ITPKB: variants seen among roughly 807,000 people sequenced by gnomAD.
ITPKB encodes the protein inositol-trisphosphate 3-kinase B.
In ITPKB, 13 loss-of-function variants were observed where a neutral mutation model predicts 69.4. The ratio of observed to expected loss-of-function variants is 0.19; its 90% CI spans 0.12 to 0.30. The LOEUF is 0.30. Among genes scored for constraint, ITPKB ranks in the 10% least tolerant of loss-of-function variants. The probability of loss-of-function intolerance (pLI) is 1.00; values close to 1 mark genes in which losing one functional copy is unlikely to be tolerated. For synonymous variants in ITPKB, 584 were observed against 513.7 expected, an observed-to-expected ratio of 1.14 and a Z score of -1.85; for missense variants, 1,240 against 1,250.5, an observed-to-expected ratio of 0.99 and a Z score of 0.13.
At chr1:226,711,438 AGAGAGTGTGTGT>A (rs1275374746) in intron 2 of ITPKB, among the ~76,000 whole-genome samples, 1 of 116,040 alleles carries the variant, frequency 8.6e-6, no homozygotes. Flanking sequence ...AGAGAGAGAG[AGAGAGTGTGTGT>A]GTGTGTGTGT....
intron 2 of ITPKB, among the ~76,000 whole-genome samples, chr1:226,735,068 T>G (rs1402997777): frequency 1.3e-5 from 2 of 152,236 alleles, no homozygotes; most frequent in Non-Finnish European, 2.9e-5. Flanking sequence ...CCTGGCTTAT[T>G]AGTAGAGGCT....
At position 226,717,564 on chromosome 1, in the gene ITPKB, A is replaced by G. The variant is rs187577360; in HGVS notation, c.1932+17963T>C. ...GCCCAGAGGGAGGTGGCAAGGAGAC[A>G]CTCTGCATCTGCTTCTTTGTTTTTC... is the stretch of plus-strand genomic sequence containing the variant. On this transcript the variant is annotated intron_variant, in intron 2 of 7. Transcript: ENST00000429204. Among the ~76,000 whole-genome samples the G allele has an allele frequency of 5.9e-4, 90 of 152,268 alleles. 1 individual carries two copies. The East Asian group carries it at 0.015, about 25-fold the overall frequency.
intron 2 of ITPKB, among the ~76,000 whole-genome samples, chr1:226,711,167 C>A (rs562739198): frequency 6.9e-6 from 1 of 144,016 alleles, no homozygotes; most frequent in South Asian, 2.1e-4. Flanking sequence ...CAATTGGGTG[C>A]TCATAAATAG....
At chr1:226,663,983 A>G (rs1471533054) in intron 2 of ITPKB, among the ~76,000 whole-genome samples, 1 of 152,216 alleles carries the variant, frequency 6.6e-6, no homozygotes, top group Non-Finnish European at 1.5e-5. Flanking sequence ...CCTCAGATTT[A>G]CAGAGAAGCA....
chr1:226,725,447 A>G (rs1310828245), intron 2 of ITPKB, among the ~76,000 whole-genome samples: 1 of 152,216 alleles, frequency 6.6e-6, no homozygotes, highest in Non-Finnish European at 1.5e-5. Context: ...GTATATATCT[A>G]CTGAATGTAA....
At chr1:226,710,938 G>T (rs1416432619) in intron 2 of ITPKB, among the ~76,000 whole-genome samples, 3 of 152,168 alleles carry the variant, frequency 2.0e-5, no homozygotes, top group Admixed American at 2.0e-4. Context: ...CCAACTCAAA[G>T]AATTATTAAG....
In ITPKB at chr1:226,632,547, G is replaced by A. The variant is rs1558297032; in HGVS notation, c.*2124C>T. On this transcript the variant is annotated 3_prime_UTR_variant, in exon 8 of 8. Coordinates refer to ENST00000429204, the MANE Select transcript of ITPKB (RefSeq NM_002221.4). The stretch of plus-strand genomic sequence containing the variant: ...AAAAAACAGAAAACAAAAACCCTAA[G>A]TAACAGAATAACCCTAAAATGATGC... The A allele has an allele frequency of 6.6e-6, 1 of 152,096 alleles. No homozygotes were observed. The allele number at this position is 152,096 out of a possible 1,614,324, so 9.4% of individuals were successfully genotyped here. A position where few individuals can be genotyped will look rare whatever the true frequency, so the allele number is the denominator to read the frequency against.
chr1:226,644,307 A>C (rs1364148623), intron 4 of ITPKB, among the ~76,000 whole-genome samples: 2 of 152,168 alleles, frequency 1.3e-5, no homozygotes, highest in Non-Finnish European at 2.9e-5. Flanking sequence ...CCCGAGACAA[A>C]GTCGAAGCTC....
At chr1:226,707,607 C>T (rs1358712755) in intron 2 of ITPKB, 19 of 987,802 alleles carry the variant, frequency 1.9e-5, no homozygotes, top group Non-Finnish European at 2.0e-5. Flanking sequence ...AGTGGGGGCT[C>T]AATGGGGATA....
chr1:226,718,101 C>T (rs2102641603), intron 2 of ITPKB, among the ~76,000 whole-genome samples: 1 of 151,906 alleles, frequency 6.6e-6, no homozygotes, highest in South Asian at 2.1e-4. Flanking sequence ...CAAGACCAGC[C>T]TGGCCAACAT....
At chr1:226,732,170 G>A (rs1353628590) in intron 2 of ITPKB, among the ~76,000 whole-genome samples, 2 of 149,196 alleles carry the variant, frequency 1.3e-5, no homozygotes, top group East Asian at 3.9e-4. Context: ...TAAGCACCAT[G>A]AAGCCAAGGG....
At chr1:226,667,826 A>ATTG (rs1553254182) in intron 2 of ITPKB, among the ~76,000 whole-genome samples, 1 of 148,386 alleles carries the variant, frequency 6.7e-6, no homozygotes, top group Non-Finnish European at 1.5e-5. Context: ...GATGAGGAAA[A>ATTG]TGTGTGTGTG....
rs1330542610 is a variant in ITPKB, at chr1:226,735,531, C to T, written c.1928G>A (p.Arg643Lys). ...FLHTLDQQKP[R>K]VSKSWRKIKN... ...AAATCTCAGAGCAAGACTTACCACTCTAGGTTTCTGCTGGTCCAGGGTATG... is the reference window on the plus strand; with the variant it reads ...AAATCTCAGAGCAAGACTTACCACTTTAGGTTTCTGCTGGTCCAGGGTATG... Residue 643 changes from arginine (R) to lysine (K), a missense_variant, in exon 2 of 8, where the codon AGA (arginine) becomes AAA (lysine). Arg to Lys is a conservative substitution (Grantham distance 26). Coordinates refer to ENST00000429204, the MANE Select transcript of ITPKB (RefSeq NM_002221.4). 2.0e-6 allele frequency: 3 copies of T among 1,512,764 alleles called. No homozygotes were observed. The highest frequency in any genetic ancestry group is 2.7e-6 in the Non-Finnish European group (3 of 1,129,278). The allele number at this position is 1,512,764 out of a possible 1,614,324, so 93.7% of individuals were successfully genotyped here.
chr1:226,641,617 G>A lies in ITPKB; in HGVS notation c.2451+304C>T, dbSNP rs1351642731. 3.3e-5 allele frequency among the ~76,000 whole-genome samples: 5 copies of A among 152,224 alleles called. No homozygotes were observed. Among genetic ancestry groups the A allele is most frequent in the African/African-American group, 7.2e-5 (3 of 41,460 alleles). On this transcript the variant is annotated intron_variant, in intron 5 of 7. Coordinates refer to ENST00000429204, the MANE Select transcript of ITPKB (RefSeq NM_002221.4). This position sits in a 1 kb window ranked among gnomAD's most constrained non-coding sequence, Gnocchi z 4.6. ...GAACCAGCTACCCCACAGGCATCCC[G>A]CAGGTGCCTCTCGCCTGGCTTTCGG...
intron 2 of ITPKB, among the ~76,000 whole-genome samples, chr1:226,689,610 T>TGC (rs1436414688): frequency 6.8e-6 from 1 of 147,514 alleles, no homozygotes; most frequent in South Asian, 2.2e-4. Flanking sequence ...TGTGTGTGTG[T>TGC]GTGCATGCAT....
chr1:226,640,470 C>T (rs968281184), intron 5 of ITPKB, among the ~76,000 whole-genome samples: 5 of 152,118 alleles, frequency 3.3e-5, no homozygotes, highest in Non-Finnish European at 7.4e-5. Flanking sequence ...CAGGAGGGGC[C>T]GAGAGCCGGG....
rs376731946 is a variant in ITPKB at position 226,667,931 on chromosome 1, A to ACCAACAGCACAG, written c.1933-19172_1933-19161dup. 2.2e-3 allele frequency among the ~76,000 whole-genome samples: 336 copies of ACCAACAGCACAG among 152,104 alleles called. 2 individuals are homozygous for ACCAACAGCACAG. Among genetic ancestry groups the ACCAACAGCACAG allele is most frequent in the African/African-American group, 7.5e-3 (309 of 41,454 alleles). On this transcript the variant is annotated intron_variant, in intron 2 of 7. Transcript: ENST00000429204. ...AGCAAAAGCCTAGAAGCAAAAAAGC[A>ACCAACAGCACAG]CCAACAGCACAGCCAACAGCACAGC...
chr1:226,680,377 G>T (rs1398674407), intron 2 of ITPKB, among the ~76,000 whole-genome samples: 2 of 152,214 alleles, frequency 1.3e-5, no homozygotes, highest in Non-Finnish European at 2.9e-5. Flanking sequence ...AGAGAGGGGG[G>T]AGGTAGGGAA....
At chr1:226,703,103 G>A (rs751014243) in intron 2 of ITPKB, among the ~76,000 whole-genome samples, 8 of 152,192 alleles carry the variant, frequency 5.3e-5, no homozygotes, top group Non-Finnish European at 8.8e-5. Flanking sequence ...AGGGCTAAGT[G>A]TGTATGCTGA....
Sources: gnomAD v4.1 joint callset for allele counts (sites outside exome capture counted in the v4.1 genomes callset) on GRCh38, gnomAD v4.1.1 for gene constraint, Gnocchi (gnomAD v3.1) non-coding constraint, MANE v1.5 for transcripts, NCBI Gene and HGNC (gene_info 2026-07-23, HGNC 2026-07-21) for gene names.